ETS1: variants seen among roughly 807,000 people sequenced by gnomAD.
ETS1 encodes ETS proto-oncogene 1, transcription factor, also known as protein C-ets-1.
A neutral mutation model predicts 58.6 loss-of-function variants in ETS1; 15 were observed. The ratio of observed to expected loss-of-function variants is 0.26; its 90% CI spans 0.17 to 0.39. The LOEUF (loss-of-function observed/expected upper bound fraction) is 0.39. Ranked by LOEUF, ETS1 falls within the 10% of genes least tolerant of loss-of-function variation. The pLI is 1.00. For synonymous variants in ETS1, 214 were observed against 218.2 expected (o/e 0.98, Z 0.17); for missense variants, 417 against 610.5 (o/e 0.68, Z 3.34).
intron 8 of ETS1, among the ~76,000 whole-genome samples, chr11:128,467,807 C>G (rs889792352): frequency 6.6e-6 from 1 of 152,032 alleles, no homozygotes; most frequent in Non-Finnish European, 1.5e-5. Context: ...CTTCTCAAGT[C>G]GAAGCTCTGA....
At chr11:128,485,403 T>G (rs1170000795) in intron 6 of ETS1, among the ~76,000 whole-genome samples, 1 of 152,200 alleles carries the variant, frequency 6.6e-6, no homozygotes, top group Non-Finnish European at 1.5e-5. Flanking sequence ...ACAGAGTAGT[T>G]AATATCATTG....
At chr11:128,568,148 T>G (rs1864543268) in intron 2 of ETS1, among the ~76,000 whole-genome samples, 1 of 151,950 alleles carries the variant, frequency 6.6e-6, no homozygotes, top group Non-Finnish European at 1.5e-5. Flanking sequence ...AGGAGGTGAG[T>G]GGGCAGTTCC....
intron 5 of ETS1, among the ~76,000 whole-genome samples, chr11:128,489,022 T>C (rs1464644726): frequency 1.3e-5 from 2 of 152,178 alleles, no homozygotes; most frequent in African/African-American, 2.4e-5. Flanking sequence ...AGGACCTGGA[T>C]TAGAATGTTG....
rs1014949140 is a variant in ETS1 at position 128,464,146 on chromosome 11, G to A, written c.1124-519C>T. ...CACTATCCTCCGGCCCTCTTACAAG[G>A]AAATAGATGTTAAATATCTGTTCAG... On this transcript the variant is annotated intron_variant, in intron 8 of 9. Transcript: ENST00000392668. The surrounding 1 kb of genome is among the most constrained non-coding windows in gnomAD (Gnocchi z 4.1). Among the ~76,000 whole-genome samples, 22 of 151,032 alleles carry A rather than the reference G, an allele frequency of 1.5e-4. No homozygotes were observed. Among genetic ancestry groups the A allele is most frequent in the African/African-American group, 5.1e-4 (21 of 40,968 alleles).
rs1007020184 is a variant in ETS1 at position 128,459,981 on chromosome 11, C to T, written c.*2380G>A. ...CAGCAAGCAATAATTGATACCCGGC[C>T]CTGGTTCTACTCTTACCCATTATTG... On this transcript the variant is annotated 3_prime_UTR_variant, in exon 10 of 10. Coordinates refer to ENST00000392668, the MANE Select transcript of ETS1 (RefSeq NM_001143820.2). 1 of 152,176 alleles carries T rather than the reference C, an allele frequency of 6.6e-6. No homozygotes were observed. The highest frequency in any genetic ancestry group is 2.4e-5 in the African/African-American group (1 of 41,350). 9.4% of individuals were successfully genotyped at this position (152,176 alleles called of 1,614,324 possible).
intron 3 of ETS1, among the ~76,000 whole-genome samples, chr11:128,531,841 G>A (rs1301433749): frequency 6.6e-6 from 1 of 152,172 alleles, no homozygotes; most frequent in East Asian, 1.9e-4. Flanking sequence ...AATCTGGGAA[G>A]AATCCCACAT....
chr11:128,571,835 G>T (rs1295658230), intron 2 of ETS1: 2 of 152,170 alleles, frequency 1.3e-5, no homozygotes, highest in East Asian at 3.9e-4. Flanking sequence ...CCGAGGTCAG[G>T]AGTTTGAGAC....
At chr11:128,509,605 G>C (rs1217951576) in intron 3 of ETS1, among the ~76,000 whole-genome samples, 1 of 144,520 alleles carries the variant, frequency 6.9e-6, no homozygotes, top group Admixed American at 7.1e-5. Flanking sequence ...CATCCCAATG[G>C]TAGATATGTA....
At chr11:128,478,538 A>T (rs1460253193) in intron 8 of ETS1, among the ~76,000 whole-genome samples, 1 of 152,148 alleles carries the variant, frequency 6.6e-6, no homozygotes, top group Non-Finnish European at 1.5e-5. Context: ...CATAACTCAG[A>T]CCTAGAGCAT....
intron 6 of ETS1, among the ~76,000 whole-genome samples, chr11:128,485,448 G>T (rs953422820): frequency 6.6e-6 from 1 of 152,028 alleles, no homozygotes; most frequent in Non-Finnish European, 1.5e-5. Flanking sequence ...AACGTAAAAA[G>T]ATAAAACGAA....
At position 128,463,835 on chromosome 11, in the gene ETS1, G is replaced by A; in HGVS notation, c.1124-208C>T. The A allele has an allele frequency of 2.7e-6, 1 of 375,176 alleles. No homozygotes were observed. The allele number at this position is 375,176 out of a possible 1,614,324, so 23.2% of individuals were successfully genotyped here. On this transcript the variant is annotated intron_variant, in intron 8 of 9. Coordinates refer to ENST00000392668, the MANE Select transcript of ETS1 (RefSeq NM_001143820.2). The surrounding 1 kb of genome is among the most constrained non-coding windows in gnomAD (Gnocchi z 4.1). ...AGGCCTCCCTATAAAACAAAAGCAT[G>A]GAAGAAAATGTGTCAAGTGCTTTAT... is the stretch of plus-strand genomic sequence containing the variant.
intron 2 of ETS1, among the ~76,000 whole-genome samples, chr11:128,571,314 G>C (rs1208259884): frequency 6.6e-6 from 1 of 151,848 alleles, no homozygotes; most frequent in Admixed American, 6.6e-5. Context: ...TACTCTGAGA[G>C]GCTGAGGCAG....
At position 128,459,136 on chromosome 11, in the gene ETS1, T is replaced by G. The variant is rs183359748; in HGVS notation, c.*3225A>C. The G allele has an allele frequency of 4.0e-5, 6 of 151,058 alleles. No individual in the cohort carries two copies. The highest frequency in any genetic ancestry group is 8.9e-5 in the Non-Finnish European group (6 of 67,748). 9.4% of individuals were successfully genotyped at this position (151,058 alleles called of 1,614,324 possible). The stretch of plus-strand genomic sequence containing the variant: ...TACTTCTCAGCTTAAAAAAAAAGTA[T>G]TCTTAAAAAAAAAAGTTCAATAACT... On this transcript the variant is annotated 3_prime_UTR_variant, in exon 10 of 10. Transcript: ENST00000392668.
At chr11:128,495,907 T>C (rs1203112139) in intron 3 of ETS1, among the ~76,000 whole-genome samples, 1 of 152,176 alleles carries the variant, frequency 6.6e-6, no homozygotes, top group Non-Finnish European at 1.5e-5. Context: ...TATTTGGCAA[T>C]TTTCAAACAT....
chr11:128,584,152 T>G (rs189214533), intron 1 of ETS1, among the ~76,000 whole-genome samples: 126 of 152,318 alleles, frequency 8.3e-4, no homozygotes, highest in African/African-American at 2.8e-3. Context: ...GGGACTGACT[T>G]ACTTACCCAG....
intron 3 of ETS1, among the ~76,000 whole-genome samples, chr11:128,527,590 G>C (rs1863823667): frequency 1.3e-5 from 2 of 152,220 alleles, no homozygotes; most frequent in Admixed American, 6.5e-5. Context: ...AAATTGTCCT[G>C]AATTGGACTC....
chr11:128,469,144 T>C (rs756389564), intron 8 of ETS1, among the ~76,000 whole-genome samples: 16 of 152,236 alleles, frequency 1.1e-4, no homozygotes, highest in Non-Finnish European at 1.8e-4. Context: ...TGAAAATGAC[T>C]ACCTGTCCTT....
At chr11:128,483,027 G>A (rs1374074647) in intron 7 of ETS1, among the ~76,000 whole-genome samples, 2 of 152,156 alleles carry the variant, frequency 1.3e-5, no homozygotes, top group Admixed American at 6.5e-5. Context: ...TAATGCTTTC[G>A]GTCTAGACCA....
intron 2 of ETS1, among the ~76,000 whole-genome samples, 160 bp from the exon 3 acceptor site, chr11:128,556,595 C>G (rs188320837): frequency 1.4e-4 from 22 of 152,286 alleles, no homozygotes; most frequent in Admixed American, 1.4e-3. Context: ...CTTATCCCCC[C>G]ACATAAAGAC....
Sources: gnomAD v4.1 joint callset for allele counts (sites outside exome capture counted in the v4.1 genomes callset) on GRCh38, gnomAD v4.1.1 for gene constraint, Gnocchi (gnomAD v3.1) non-coding constraint, MANE v1.5 for transcripts, NCBI Gene and HGNC (gene_info 2026-07-23, HGNC 2026-07-21) for gene names.